The following SYT1 variants were observed in gnomAD, a reference collection of about 807,000 sequenced individuals.
SYT1 encodes synaptotagmin 1.
A neutral mutation model predicts 44.8 loss-of-function variants in SYT1; 8 were observed. The ratio of observed to expected loss-of-function variants is 0.18; its 90% CI spans 0.10 to 0.32. The LOEUF (loss-of-function observed/expected upper bound fraction) is 0.32. Among genes scored for constraint, SYT1 ranks in the 10% least tolerant of loss-of-function variants. The probability of loss-of-function intolerance (pLI) is 1.00; values close to 1 mark genes in which losing one functional copy is unlikely to be tolerated. For missense variants in SYT1, 286 were observed against 509.3 expected (o/e 0.56, Z 4.22); for synonymous variants, 154 against 188.8 (o/e 0.82, Z 1.51).
intron 5 of SYT1, chr12:79,291,754 A>T (rs1051341206): frequency 5.4e-5 from 31 of 572,644 alleles, no homozygotes; most frequent in Admixed American, 2.4e-4. Context: ...ACAATGTTAC[A>T]TTTTTTGCTT....
chr12:79,065,258 C>A (rs1202246645), intron 3 of SYT1, among the ~76,000 whole-genome samples: 1 of 152,060 alleles, frequency 6.6e-6, no homozygotes, highest in South Asian at 2.1e-4. Context: ...ATAGCACACA[C>A]CTGTAGTCCC....
rs71865653 is a variant in SYT1, at chr12:79,348,998, G to GGAAAGAAAGAAAGAAA, written c.811-4483_811-4468dup. Among the ~76,000 whole-genome samples, 335 of 125,400 alleles carry GGAAAGAAAGAAAGAAA rather than the reference G, an allele frequency of 2.7e-3. 2 individuals are homozygous for GGAAAGAAAGAAAGAAA. The highest frequency in any genetic ancestry group is 4.2e-3 in the Middle Eastern group (1 of 240). 82.3% of individuals were successfully genotyped at this position (125,400 alleles called of 152,430 possible). ...GAAAGAGGAAGAAAGAAAGAGAGAA[G>GGAAAGAAAGAAAGAAA]GAAAGAAAGAAAGAAAGAAAGAAAG... On this transcript the variant is annotated intron_variant, in intron 8 of 10. Coordinates refer to ENST00000261205, the MANE Select transcript of SYT1 (RefSeq NM_005639.3).
At chr12:79,235,195 G>A (rs188287580) in intron 4 of SYT1, among the ~76,000 whole-genome samples, 1 of 152,240 alleles carries the variant, frequency 6.6e-6, no homozygotes, top group Admixed American at 6.5e-5. Context: ...TTCTAAAGTG[G>A]TTTTATTATT....
chr12:79,203,176 G>A (rs575481884), intron 3 of SYT1, among the ~76,000 whole-genome samples: 1 of 152,108 alleles, frequency 6.6e-6, no homozygotes, highest in Non-Finnish European at 1.5e-5. Flanking sequence ...GAATCAAACC[G>A]TAAGGGAAAT....
At chr12:79,012,891 G>T (rs961797575) in intron 2 of SYT1, among the ~76,000 whole-genome samples, 1 of 152,040 alleles carries the variant, frequency 6.6e-6, no homozygotes, top group East Asian at 1.9e-4. Flanking sequence ...TTTCTGGGAC[G>T]TACCCCAGCC....
At chr12:79,186,272 A>C (rs1459325501) in intron 3 of SYT1, among the ~76,000 whole-genome samples, 1 of 152,118 alleles carries the variant, frequency 6.6e-6, no homozygotes, top group Middle Eastern at 3.4e-3. Flanking sequence ...TACCTATGTT[A>C]GTTTGTATTT....
intron 2 of SYT1, among the ~76,000 whole-genome samples, chr12:79,027,834 T>G (rs1872623068): frequency 6.6e-6 from 1 of 151,560 alleles, no homozygotes; most frequent in Non-Finnish European, 1.5e-5. Context: ...TGAGTTTGCT[T>G]TAAACAGATA....
chr12:79,330,258 T>A (rs1278899192), intron 8 of SYT1, among the ~76,000 whole-genome samples: 5 of 152,152 alleles, frequency 3.3e-5, no homozygotes, highest in African/African-American at 1.2e-4. Context: ...ATGAAAGCAA[T>A]TACAAATTGC....
At chr12:79,119,378 G>T (rs1184822340) in intron 3 of SYT1, among the ~76,000 whole-genome samples, 1 of 152,012 alleles carries the variant, frequency 6.6e-6, no homozygotes, top group African/African-American at 2.4e-5. Context: ...CCTTGATCTG[G>T]TTCACGCTTT....
intron 3 of SYT1, among the ~76,000 whole-genome samples, chr12:79,209,035 T>C (rs1874288579): frequency 6.6e-6 from 1 of 152,208 alleles, no homozygotes; most frequent in Non-Finnish European, 1.5e-5. Context: ...CAAACTGCTG[T>C]GCTTCCAGTT....
At chr12:78,877,237 G>C (rs1004623788) in intron 1 of SYT1, among the ~76,000 whole-genome samples, 1 of 151,328 alleles carries the variant, frequency 6.6e-6, no homozygotes, top group Admixed American at 6.6e-5. Flanking sequence ...GCAAAGGGAT[G>C]TCCTATGTGG....
intron 1 of SYT1, among the ~76,000 whole-genome samples, chr12:78,964,719 T>A (rs1158066643): frequency 6.6e-6 from 1 of 152,200 alleles, no homozygotes; most frequent in Non-Finnish European, 1.5e-5. Context: ...CCCCTGCAAC[T>A]GTCTCAGTCT....
intron 3 of SYT1, among the ~76,000 whole-genome samples, chr12:79,048,420 G>A (rs915678054): frequency 2.6e-5 from 4 of 151,654 alleles, no homozygotes; most frequent in Non-Finnish European, 4.4e-5. Flanking sequence ...TCATCATCAC[G>A]ATGATATAAA....
intron 4 of SYT1, among the ~76,000 whole-genome samples, chr12:79,271,423 G>C (rs1878420208): frequency 6.6e-6 from 1 of 152,076 alleles, no homozygotes; most frequent in African/African-American, 2.4e-5. Flanking sequence ...GAGCCTATTA[G>C]GCCATGTAGA....
chr12:78,930,564 A>G (rs1877576646), intron 1 of SYT1, among the ~76,000 whole-genome samples: 1 of 151,980 alleles, frequency 6.6e-6, no homozygotes, highest in African/African-American at 2.4e-5. Flanking sequence ...ATGGTCATTC[A>G]ATTTGGAAAG....
chr12:79,135,348 T>A (rs930331272), intron 3 of SYT1, among the ~76,000 whole-genome samples: 5 of 150,750 alleles, frequency 3.3e-5, no homozygotes, highest in African/African-American at 1.2e-4. Context: ...GTGAGAACAG[T>A]GCATACACTT....
At chr12:79,001,499 G>A (rs949329972) in intron 2 of SYT1, among the ~76,000 whole-genome samples, 9 of 152,114 alleles carry the variant, frequency 5.9e-5, no homozygotes, top group African/African-American at 1.9e-4. Context: ...GGGTTTAGAA[G>A]ACTAAAGATG....
intron 3 of SYT1, among the ~76,000 whole-genome samples, chr12:79,091,055 A>G (rs997942904): frequency 6.6e-6 from 1 of 151,982 alleles, no homozygotes; most frequent in African/African-American, 2.4e-5. Context: ...TTATTTTACA[A>G]AAGGATAAAT....
intron 1 of SYT1, among the ~76,000 whole-genome samples, chr12:78,867,174 C>T (rs1431902777): frequency 1.3e-5 from 2 of 151,832 alleles, no homozygotes; most frequent in African/African-American, 4.8e-5. Context: ...GTATGTACAA[C>T]TGAATTAACA....
Sources: gnomAD v4.1 joint callset for allele counts (sites outside exome capture counted in the v4.1 genomes callset) on GRCh38, gnomAD v4.1.1 for gene constraint, MANE v1.5 for transcripts, NCBI Gene and HGNC (gene_info 2026-07-23, HGNC 2026-07-21) for gene names.